NELL1: variants seen among roughly 807,000 people sequenced by gnomAD.
NELL1 encodes the protein protein kinase C-binding protein NELL1.
In NELL1, 76 loss-of-function variants were observed where a neutral mutation model predicts 107.4. The ratio of observed to expected loss-of-function variants is 0.71; its 90% confidence interval spans 0.59 to 0.86. NELL1 has a LOEUF of 0.86. Ranked by LOEUF, NELL1 falls within the 40% of genes least tolerant of loss-of-function variation. The pLI is 0.00. For synonymous variants in NELL1, 353 were observed against 341.2 expected (o/e 1.03, Z -0.38); for missense variants, 1,024 against 1,005.5 (o/e 1.02, Z -0.25).
intron 14 of NELL1, among the ~76,000 whole-genome samples, chr11:21,274,851 T>C (rs1381103006): frequency 2.0e-5 from 3 of 152,086 alleles, no homozygotes; most frequent in Non-Finnish European, 4.4e-5. Context: ...TGGAAACCAG[T>C]GAGAACAAAG....
At chr11:21,447,381 G>A (rs1165924903) in intron 15 of NELL1, among the ~76,000 whole-genome samples, 3 of 152,140 alleles carry the variant, frequency 2.0e-5, no homozygotes. Flanking sequence ...TATGTGCTGA[G>A]TCATACCTGA....
At chr11:20,674,498 T>G in intron 1 of NELL1, 1 of 1,536,080 alleles carries the variant, frequency 6.5e-7, no homozygotes, top group Non-Finnish European at 8.7e-7. Flanking sequence ...GCAGAAGATA[T>G]GAAGCCACCC....
At chr11:21,113,820 A>G (rs1855164209) in intron 13 of NELL1, 106 bp downstream of exon 13, 2 of 1,185,936 alleles carry the variant, frequency 1.7e-6, no homozygotes, top group African/African-American at 1.6e-5. Context: ...TTTTATCTAA[A>G]TAGTTCTTCT....
intron 15 of NELL1, among the ~76,000 whole-genome samples, chr11:21,522,817 T>G (rs1020552990): frequency 4.0e-5 from 6 of 149,566 alleles, no homozygotes; most frequent in Admixed American, 1.3e-4. Context: ...TTATCTTGAA[T>G]CCTATTTTTT....
intron 3 of NELL1, among the ~76,000 whole-genome samples, chr11:20,840,412 A>G (rs76412205): frequency 6.6e-6 from 1 of 152,234 alleles, no homozygotes; most frequent in African/African-American, 2.4e-5. Flanking sequence ...AGCCCAGAAA[A>G]GATGGCTTAT....
intron 4 of NELL1, among the ~76,000 whole-genome samples, chr11:20,868,984 G>T (rs1402069603): frequency 6.6e-6 from 1 of 152,178 alleles, no homozygotes; most frequent in African/African-American, 2.4e-5. Flanking sequence ...TTAAGTGTTG[G>T]TGTATTATAT....
intron 2 of NELL1, among the ~76,000 whole-genome samples, chr11:20,717,692 G>T (rs1323735055): frequency 6.6e-6 from 1 of 151,994 alleles, no homozygotes; most frequent in Non-Finnish European, 1.5e-5. Flanking sequence ...ACCTTTGAGG[G>T]TTCCCCATTT....
chr11:21,214,246 C>A (rs961463425), intron 13 of NELL1, among the ~76,000 whole-genome samples: 2 of 152,104 alleles, frequency 1.3e-5, no homozygotes, highest in Non-Finnish European at 2.9e-5. Context: ...CTTTGACAAT[C>A]GTGTCAGCAC....
intron 15 of NELL1, among the ~76,000 whole-genome samples, chr11:21,485,842 G>A (rs12574782): frequency 0.043 from 6,564 of 151,994 alleles, 317 homozygotes; most frequent in East Asian, 0.17. Flanking sequence ...ACATCCAGGC[G>A]CCTGCAGATT....
chr11:21,435,321 T>C (rs1003037510), intron 15 of NELL1, among the ~76,000 whole-genome samples: 1 of 152,122 alleles, frequency 6.6e-6, no homozygotes, highest in South Asian at 2.1e-4. Context: ...TAGTTGTGGG[T>C]TTGTCATATA....
At chr11:20,876,309 A>G (rs374432447) in intron 4 of NELL1, among the ~76,000 whole-genome samples, 5 of 151,924 alleles carry the variant, frequency 3.3e-5, no homozygotes, top group African/African-American at 1.2e-4. Flanking sequence ...CAATTTTGTC[A>G]TTTTCTGAGT....
intron 12 of NELL1, among the ~76,000 whole-genome samples, chr11:21,070,847 T>C (rs1182844751): frequency 1.3e-5 from 2 of 152,154 alleles, no homozygotes; most frequent in Non-Finnish European, 2.9e-5. Context: ...TGAGTGACCT[T>C]AGCCAGGTCA....
chr11:20,968,856 T>A (rs1309020616), intron 12 of NELL1, among the ~76,000 whole-genome samples: 1 of 151,898 alleles, frequency 6.6e-6, no homozygotes, highest in Non-Finnish European at 1.5e-5. Context: ...AGTGGGAGGT[T>A]TTTATGGGCC....
chr11:20,804,540 C>T (rs895890397), intron 3 of NELL1, among the ~76,000 whole-genome samples: 5 of 152,110 alleles, frequency 3.3e-5, no homozygotes, highest in African/African-American at 1.2e-4. Context: ...TCTGTTGATC[C>T]ATTGGTCATT....
chr11:20,823,409 G>T (rs1007781073), intron 3 of NELL1, among the ~76,000 whole-genome samples: 1 of 151,160 alleles, frequency 6.6e-6, no homozygotes, highest in African/African-American at 2.4e-5. Context: ...ACAATTCAAG[G>T]TGAGATTTGG....
At chr11:20,715,420 G>A (rs1010056136) in intron 2 of NELL1, among the ~76,000 whole-genome samples, 14 of 151,840 alleles carry the variant, frequency 9.2e-5, no homozygotes, top group Admixed American at 8.5e-4. Flanking sequence ...AGGAAATTGA[G>A]ACCCAGGAGG....
At chr11:21,032,642 C>T (rs1301426113) in intron 12 of NELL1, among the ~76,000 whole-genome samples, 3 of 152,286 alleles carry the variant, frequency 2.0e-5, no homozygotes, top group African/African-American at 7.2e-5. Flanking sequence ...CCCGCCCCAG[C>T]CTCTCAAAGT....
intron 5 of NELL1, among the ~76,000 whole-genome samples, chr11:20,910,933 T>TC (rs1850116453): frequency 6.6e-6 from 1 of 152,250 alleles, no homozygotes; most frequent in African/African-American, 2.4e-5. Flanking sequence ...AACACATGTC[T>TC]CCATCCCTTT....
intron 15 of NELL1, among the ~76,000 whole-genome samples, chr11:21,498,918 T>G (rs187383609): frequency 6.6e-6 from 1 of 152,076 alleles, no homozygotes; most frequent in Non-Finnish European, 1.5e-5. Context: ...TTAATTTATT[T>G]ATTGATCATT....
Sources: allele counts gnomAD v4.1 joint callset (sites outside exome capture counted in the v4.1 genomes callset), GRCh38; gene constraint gnomAD v4.1.1; transcripts MANE v1.5; gene names NCBI Gene and HGNC (gene_info 2026-07-23, HGNC 2026-07-21).